The following INSYN2A variants were observed in gnomAD, a reference collection of about 807,000 sequenced individuals.
The protein encoded by INSYN2A is inhibitory synaptic factor 2A.
Under a neutral mutation model 39.4 loss-of-function variants are expected in INSYN2A, and 17 were observed. The ratio of observed to expected loss-of-function variants is 0.43; its 90% CI spans 0.30 to 0.65. INSYN2A has a LOEUF of 0.65. Among genes scored for constraint, INSYN2A ranks in the 30% least tolerant of loss-of-function variants. The probability of loss-of-function intolerance (pLI) is 0.14; values close to 1 mark genes in which losing one functional copy is unlikely to be tolerated. For missense variants in INSYN2A, 595 were observed against 631.2 expected (o/e 0.94, Z 0.61); for synonymous variants, 255 against 265.7 (o/e 0.96, Z 0.39).
intron 2 of INSYN2A, among the ~76,000 whole-genome samples, chr10:127,192,219 A>G (rs771159000): frequency 3.3e-5 from 5 of 152,198 alleles, no homozygotes; most frequent in Non-Finnish European, 5.9e-5. Flanking sequence ...TGGATGTGCA[A>G]TACTTTGAAT....
chr10:127,190,199 A>C (rs957177452), intron 2 of INSYN2A, among the ~76,000 whole-genome samples: 2 of 152,200 alleles, frequency 1.3e-5, no homozygotes, highest in African/African-American at 4.8e-5. Flanking sequence ...ATTTTCACCA[A>C]AGGAATCGCT....
chr10:127,154,629 T>G (rs2133538176), intron 4 of INSYN2A, among the ~76,000 whole-genome samples: 1 of 152,344 alleles, frequency 6.6e-6, no homozygotes, highest in Non-Finnish European at 1.5e-5. Context: ...AAGCCTTATG[T>G]TAGAATGTCT....
intron 4 of INSYN2A, among the ~76,000 whole-genome samples, chr10:127,164,108 C>T (rs1311202371): frequency 4.1e-5 from 6 of 146,612 alleles, no homozygotes; most frequent in African/African-American, 1.5e-4. Flanking sequence ...CAGCCGGGCT[C>T]CCTCTCCTCT....
At chr10:127,148,552 G>A (rs959913404) in intron 5 of INSYN2A, among the ~76,000 whole-genome samples, 1 of 152,154 alleles carries the variant, frequency 6.6e-6, no homozygotes, top group African/African-American at 2.4e-5. Flanking sequence ...TTTCAGCGAA[G>A]GAGAGAATGG....
rs192592295 is a variant in INSYN2A at position 127,161,710 on chromosome 10, C to G, written c.1185-7787G>C. 5.5e-3 allele frequency among the ~76,000 whole-genome samples: 830 copies of G among 152,266 alleles called. 4 individuals carry two copies. The highest frequency in any genetic ancestry group is 0.01 in the Middle Eastern group (3 of 294). Reference sequence around the variant, plus strand: ...ACGGATCCTTTGGCTGGCTCTCCCCCACTCTCCTCGCCTCTGCTCCATTTC... The same window carrying G: ...ACGGATCCTTTGGCTGGCTCTCCCCGACTCTCCTCGCCTCTGCTCCATTTC... On this transcript the variant is annotated intron_variant, in intron 4 of 5. Coordinates refer to ENST00000522781, the MANE Select transcript of INSYN2A (RefSeq NM_001039762.3).
At chr10:127,184,320 C>CG (rs1053778037) in intron 2 of INSYN2A, among the ~76,000 whole-genome samples, 2 of 151,018 alleles carry the variant, frequency 1.3e-5, no homozygotes, top group African/African-American at 4.9e-5. Flanking sequence ...CATTCCCCCC[C>CG]CAGTCTAATC....
rs556209130 is a variant in INSYN2A at position 127,151,634 on chromosome 10, G to A, written c.1256+2218C>T. ...TCTGAAGATGCCACCCAAATCACCC[G>A]TCTGTAAAATCACATCTGCAGTAAA... On this transcript the variant is annotated intron_variant, in intron 5 of 5. Coordinates refer to ENST00000522781, the MANE Select transcript of INSYN2A (RefSeq NM_001039762.3). 9.0e-4 allele frequency among the ~76,000 whole-genome samples: 137 copies of A among 152,236 alleles called. 1 individual carries two copies. Among genetic ancestry groups the A allele is most frequent in the African/African-American group, 3.1e-3 (128 of 41,544 alleles).
intron 4 of INSYN2A, among the ~76,000 whole-genome samples, chr10:127,156,432 A>C (rs575132482): frequency 3.6e-4 from 55 of 152,250 alleles, no homozygotes; most frequent in African/African-American, 1.3e-3. Flanking sequence ...GGCTTCAGGC[A>C]CCTGAAATGT....
intron 5 of INSYN2A, among the ~76,000 whole-genome samples, chr10:127,152,340 A>G (rs1045738161): frequency 2.6e-5 from 4 of 152,202 alleles, no homozygotes; most frequent in African/African-American, 7.2e-5. Flanking sequence ...ATCTGTTGCT[A>G]TCATTGAGTT....
chr10:127,155,268 A>G (rs755368038), intron 4 of INSYN2A, among the ~76,000 whole-genome samples: 27 of 151,904 alleles, frequency 1.8e-4, no homozygotes, highest in Non-Finnish European at 3.1e-4. Context: ...TGTTACATCA[A>G]CATTTGACAA....
chr10:127,175,548 G>T lies in INSYN2A; in HGVS notation c.848C>A (p.Pro283Gln). 6.2e-7 allele frequency: 1 copy of T among 1,611,260 alleles called. No individual in the cohort carries two copies. The highest frequency in any genetic ancestry group is 8.5e-7 in the Non-Finnish European group (1 of 1,179,990). The change falls in exon 4 of 6, where the codon CCG becomes CAG. Residue 283 changes from proline (P) to glutamine (Q), a missense_variant. By Grantham distance (76) the Pro-to-Gln change is moderately conservative. Around this residue, in one of 2 missense-constraint regions of INSYN2A, gnomAD observed 478 missense variants for 467.4 expected, o/e 1.02. Coordinates refer to ENST00000522781, the MANE Select transcript of INSYN2A (RefSeq NM_001039762.3). This position sits in a 1 kb window ranked among gnomAD's most constrained non-coding sequence, Gnocchi z 6.3. ...GGCTCTCCTCCGCTCGTCATCTGCC[G>T]GGCAGAGTGACCACTGGCTGGCGGC... The part of the protein sequence containing the change: ...SAAASQWSLC[P>Q]ADDERRRATH...
intron 5 of INSYN2A, 40 bp from the exon 6 acceptor site, chr10:127,138,060 T>G: frequency 1.3e-6 from 2 of 1,546,004 alleles, no homozygotes; most frequent in Non-Finnish European, 1.7e-6. Context: ...CATTTGATCT[T>G]TTCCATATGA....
At chr10:127,153,709 C>T (rs1048190801) in intron 5 of INSYN2A, 143 bp downstream of exon 5, 1 of 653,618 alleles carries the variant, frequency 1.5e-6, no homozygotes, top group Non-Finnish European at 2.7e-6. Flanking sequence ...TTAGAGGTAG[C>T]TTAGAATTAC....
Position 127,177,147 on chromosome 10 carries a change from A to G in INSYN2A, c.-268-8T>C, listed in dbSNP as rs976352485. 4.6e-5 allele frequency: 7 copies of G among 152,342 alleles called. No homozygotes were observed. Among genetic ancestry groups the G allele is most frequent in the African/African-American group, 1.7e-4 (7 of 41,582 alleles). 9.4% of individuals were successfully genotyped at this position (152,342 alleles called of 1,614,324 possible). A position where few individuals can be genotyped will look rare whatever the true frequency, so the allele number is the denominator to read the frequency against. ...TGGTACTGGAAAATAATTCTTAAAA[A>G]AAAAAATAAAAGAAATTACTCATTC... On this transcript the variant is annotated splice_polypyrimidine_tract_variant and splice_region_variant and intron_variant, in intron 2 of 5. Transcript: ENST00000522781.
At chr10:127,155,468 A>G (rs1416038242) in intron 4 of INSYN2A, among the ~76,000 whole-genome samples, 2 of 152,120 alleles carry the variant, frequency 1.3e-5, no homozygotes, top group Admixed American at 6.5e-5. Context: ...TCGTCTTTCC[A>G]TCATCACCTC....
intron 5 of INSYN2A, among the ~76,000 whole-genome samples, chr10:127,151,423 G>A (rs1374208371): frequency 1.3e-5 from 2 of 152,188 alleles, no homozygotes; most frequent in Admixed American, 6.5e-5. Context: ...TGTAGCAGAA[G>A]TTTGGCTGTT....
At chr10:127,185,709 C>T (rs1009252846) in intron 2 of INSYN2A, among the ~76,000 whole-genome samples, 7 of 152,236 alleles carry the variant, frequency 4.6e-5, no homozygotes, top group Non-Finnish European at 1.0e-4. Flanking sequence ...TAGTTTTGTT[C>T]GTTGAGGTAA....
intron 5 of INSYN2A, among the ~76,000 whole-genome samples, chr10:127,148,030 C>CAAAAAAAA (rs57503481): frequency 1.6e-5 from 1 of 63,276 alleles, no homozygotes; most frequent in Non-Finnish European, 3.3e-5. Flanking sequence ...GACTCTGTCT[C>CAAAAAAAA]AAAAAAAAAA....
In INSYN2A at chr10:127,153,930, G is replaced by A. The variant is rs1313958290; in HGVS notation, c.1185-7C>T. The stretch of plus-strand genomic sequence containing the variant: ...CCCCGTCCGATATGAAAGCCTACAA[G>A]ATAAGAACAGGAGAGCATTACAAGC... On this transcript the variant is annotated splice_polypyrimidine_tract_variant and splice_region_variant and intron_variant, in intron 4 of 5. Transcript: ENST00000522781. 6.2e-7 allele frequency: 1 copy of A among 1,611,832 alleles called. No homozygotes were observed. The highest frequency in any genetic ancestry group is 8.5e-7 in the Non-Finnish European group (1 of 1,178,060).
Sources: gnomAD v4.1 joint callset for allele counts (sites outside exome capture counted in the v4.1 genomes callset) on GRCh38, gnomAD v4.1.1 for gene constraint, gnomAD v4.1.1 regional missense constraint, Gnocchi (gnomAD v3.1) non-coding constraint, MANE v1.5 for transcripts, NCBI Gene and HGNC (gene_info 2026-07-23, HGNC 2026-07-21) for gene names.